Variants in KIF16B observed in about 807,000 individuals in gnomAD.
The protein encoded by KIF16B is kinesin family member 16B.
A neutral mutation model predicts 156.3 loss-of-function variants in KIF16B; 98 were observed. That is an observed-to-expected ratio of 0.63 (90% confidence interval 0.53 to 0.74). The LOEUF is 0.74. KIF16B is among the 30% of genes least tolerant of loss of function. The probability of loss-of-function intolerance (pLI) is 0.00; values close to 1 mark genes in which losing one functional copy is unlikely to be tolerated. For missense variants in KIF16B, 1,421 were observed against 1,606.5 expected (o/e 0.88, Z 1.97); for synonymous variants, 564 against 583.7 (o/e 0.97, Z 0.49).
intron 12 of KIF16B, among the ~76,000 whole-genome samples, chr20:16,431,933 C>CACACACAT (rs774657964): frequency 8.3e-4 from 126 of 151,346 alleles, no homozygotes; most frequent in Middle Eastern, 6.9e-3. Context: ...CACACACACA[C>CACACACAT]ACACACGCAC....
At chr20:16,513,825 T>C (rs969364657) in intron 4 of KIF16B, among the ~76,000 whole-genome samples, 1 of 152,156 alleles carries the variant, frequency 6.6e-6, no homozygotes, top group Non-Finnish European at 1.5e-5. Context: ...AAAAAGCTGA[T>C]GAACCTCAGA....
chr20:16,510,324 G>A (rs556936523), intron 6 of KIF16B, among the ~76,000 whole-genome samples: 2 of 152,280 alleles, frequency 1.3e-5, no homozygotes, highest in East Asian at 3.9e-4. Flanking sequence ...TTTGCTTTGG[G>A]CATACAAGGC....
chr20:16,334,173 C>T (rs2063996375), intron 24 of KIF16B, among the ~76,000 whole-genome samples: 2 of 152,078 alleles, frequency 1.3e-5, no homozygotes, highest in South Asian at 4.1e-4. Context: ...AGTCTGAGTG[C>T]TTTTATTTCA....
intron 12 of KIF16B, among the ~76,000 whole-genome samples, chr20:16,435,153 A>G (rs114022158): frequency 1.3e-3 from 203 of 152,338 alleles, no homozygotes; most frequent in African/African-American, 4.7e-3. Context: ...GAGGTTATGA[A>G]ACATAATCAC....
At chr20:16,458,098 G>A (rs1475865551) in intron 12 of KIF16B, among the ~76,000 whole-genome samples, 2 of 152,082 alleles carry the variant, frequency 1.3e-5, no homozygotes, top group African/African-American at 4.8e-5. Flanking sequence ...TAGTTTTGCT[G>A]TGAGCCACTT....
chr20:16,410,340 T>C (rs1376348671), intron 15 of KIF16B, among the ~76,000 whole-genome samples: 1 of 150,298 alleles, frequency 6.7e-6, no homozygotes, highest in African/African-American at 2.4e-5. Context: ...TGTGTATGTG[T>C]GTGTATATAT....
At chr20:16,394,944 G>C (rs2065455630) in intron 17 of KIF16B, among the ~76,000 whole-genome samples, 1 of 151,822 alleles carries the variant, frequency 6.6e-6, no homozygotes, top group Non-Finnish European at 1.5e-5. Flanking sequence ...AAGGGGAAAA[G>C]TGCATTCCCC....
chr20:16,397,934 T>C (rs1232450891), intron 17 of KIF16B, among the ~76,000 whole-genome samples: 1 of 152,198 alleles, frequency 6.6e-6, no homozygotes, highest in Non-Finnish European at 1.5e-5. Context: ...CAATGAATAT[T>C]TGTGAGGTGC....
chr20:16,449,341 G>GA (rs1304260074), intron 12 of KIF16B, among the ~76,000 whole-genome samples: 1 of 151,842 alleles, frequency 6.6e-6, no homozygotes, highest in African/African-American at 2.4e-5. Context: ...GTTTACAAAA[G>GA]AAAAAAAATG....
intron 12 of KIF16B, among the ~76,000 whole-genome samples, chr20:16,444,423 T>C (rs1039543861): frequency 4.6e-5 from 7 of 152,150 alleles, no homozygotes; most frequent in Non-Finnish European, 1.0e-4. Flanking sequence ...GTAAAGTGTA[T>C]AAAATTCCAA....
intron 12 of KIF16B, among the ~76,000 whole-genome samples, chr20:16,475,227 T>C (rs997591696): frequency 6.6e-6 from 1 of 152,242 alleles, no homozygotes; most frequent in Non-Finnish European, 1.5e-5. Context: ...GAGTATTTAG[T>C]GTGCCAGGCA....
intron 24 of KIF16B, among the ~76,000 whole-genome samples, chr20:16,319,053 A>T (rs969334183): frequency 1.3e-5 from 2 of 152,192 alleles, no homozygotes; most frequent in African/African-American, 4.8e-5. Flanking sequence ...AAAATGCATA[A>T]CAAGTCTTCC....
At chr20:16,388,662 T>C (rs958220966) in intron 17 of KIF16B, among the ~76,000 whole-genome samples, 1 of 152,094 alleles carries the variant, frequency 6.6e-6, no homozygotes, top group Non-Finnish European at 1.5e-5. Flanking sequence ...CCTTTTCTTT[T>C]ACATTAAAAG....
chr20:16,429,765 G>T, intron 13 of KIF16B, 98 bp downstream of exon 13: 1 of 998,064 alleles, frequency 1.0e-6, no homozygotes. Flanking sequence ...ATTTAATTTA[G>T]TTGTGTTCAT....
chr20:16,378,708 A>G, intron 19 of KIF16B, 97 bp downstream of exon 19: 1 of 1,256,910 alleles, frequency 8.0e-7, no homozygotes, highest in Non-Finnish European at 1.1e-6. Flanking sequence ...TAAAAGAATA[A>G]GTTAAAAAAA....
chr20:16,329,315 C>G (rs942534047), intron 24 of KIF16B, among the ~76,000 whole-genome samples: 1 of 152,082 alleles, frequency 6.6e-6, no homozygotes, highest in African/African-American at 2.4e-5. Context: ...TTCATGAACA[C>G]CAGACAGAAA....
At chr20:16,390,947 G>A (rs2065348752) in intron 17 of KIF16B, among the ~76,000 whole-genome samples, 1 of 152,200 alleles carries the variant, frequency 6.6e-6, no homozygotes, top group African/African-American at 2.4e-5. Flanking sequence ...CACACAGAAT[G>A]TAAGGAGCCC....
intron 12 of KIF16B, among the ~76,000 whole-genome samples, chr20:16,452,183 C>A (rs989134546): frequency 6.6e-6 from 1 of 151,922 alleles, no homozygotes; most frequent in Non-Finnish European, 1.5e-5. Context: ...GAGAAGGGAG[C>A]AGTGAGAAAA....
chr20:16,432,534 G>A (rs1406553198), intron 12 of KIF16B, among the ~76,000 whole-genome samples: 3 of 152,098 alleles, frequency 2.0e-5, no homozygotes, highest in East Asian at 3.9e-4. Flanking sequence ...TCTACCATTC[G>A]CTAGGTGATG....
Sources: gnomAD v4.1 joint callset for allele counts (sites outside exome capture counted in the v4.1 genomes callset) on GRCh38, gnomAD v4.1.1 for gene constraint, MANE v1.5 for transcripts, NCBI Gene and HGNC (gene_info 2026-07-23, HGNC 2026-07-21) for gene names.